The following CCNO variants were observed in gnomAD, a reference collection of about 807,000 sequenced individuals.
CCNO encodes cyclin-O.
Under a neutral mutation model 23.9 loss-of-function variants are expected in CCNO, and 24 were observed. That is an observed-to-expected ratio of 1.00 (90% confidence interval 0.73 to 1.41). The LOEUF (loss-of-function observed/expected upper bound fraction) is 1.41. Ranked by LOEUF, CCNO falls within the 40% of genes most tolerant of loss-of-function variation. CCNO has a pLI of 0.00. For synonymous variants in CCNO, 241 were observed against 225.7 expected (o/e 1.07, Z -0.61); for missense variants, 542 against 476.2 (o/e 1.14, Z -1.29).
rs1363691247 is a variant in CCNO at position 55,231,322 on chromosome 5, C to T, written c.*53G>A. ...CCAGTACTGCACTCTTCTGAGGCTACGGGAGAGGTCCAGCAGCCGGGCCAG... is the reference window on the plus strand; with the variant it reads ...CCAGTACTGCACTCTTCTGAGGCTATGGGAGAGGTCCAGCAGCCGGGCCAG... On this transcript the variant is annotated 3_prime_UTR_variant, in exon 3 of 3. Transcript: ENST00000282572. The T allele has an allele frequency of 3.1e-6, 5 of 1,595,930 alleles. No homozygotes were observed. In the African/African-American group the frequency reaches 4.0e-5, roughly 13 times the overall value.
chr5:55,231,190 G>T lies in CCNO; in HGVS notation c.*185C>A. On this transcript the variant is annotated 3_prime_UTR_variant, in exon 3 of 3. Coordinates refer to ENST00000282572, the MANE Select transcript of CCNO (RefSeq NM_021147.5). ...CAACTGTTTATTGGTGAAAGACTCA[G>T]CTTCCTCATGTGCTCGCTGCAAAAT... 1.5e-6 allele frequency: 1 copy of T among 646,722 alleles called. No homozygotes were observed. The highest frequency in any genetic ancestry group is 2.7e-6 in the Non-Finnish European group (1 of 373,494). 40.1% of individuals were successfully genotyped at this position (646,722 alleles called of 1,614,324 possible).
Position 55,231,634 on chromosome 5 carries a change from A to AC in CCNO, c.793dup (p.Val265GlyfsTer106), listed in dbSNP as rs769899297. 42 of 1,598,918 alleles carry AC rather than the reference A, an allele frequency of 2.6e-5. No homozygotes were observed. Among genetic ancestry groups the AC allele is most frequent in the Non-Finnish European group, 3.3e-5 (39 of 1,173,632 alleles). On this transcript the variant is annotated frameshift_variant, in exon 3 of 3. Transcript: ENST00000282572. LOFTEE classifies it high-confidence loss of function. Reference sequence around the variant, plus strand: ...ATAGTCGGCCAGACTCAGCTCTGCCACCCCCCGCGCCAGGGCTTGCGCTTC... The same window carrying AC: ...ATAGTCGGCCAGACTCAGCTCTGCCACCCCCCCGCGCCAGGGCTTGCGCTTC...
In CCNO at chr5:55,233,536, TG is replaced by T; in HGVS notation, c.-14del. On this transcript the variant is annotated 5_prime_UTR_variant, in exon 1 of 3. Coordinates refer to ENST00000282572, the MANE Select transcript of CCNO (RefSeq NM_021147.5). Reference sequence around the variant, plus strand: ...AGGGGGTCACCATGATGCGGCCGGGTGGCCGCTTTACTACCTTCAACGCCCG... The same window carrying T: ...AGGGGGTCACCATGATGCGGCCGGGTGCCGCTTTACTACCTTCAACGCCCG... The T allele has an allele frequency of 6.5e-7, 1 of 1,536,132 alleles. No individual in the cohort carries two copies.
Position 55,233,246 on chromosome 5 carries a change from A to C in CCNO, c.278T>G (p.Leu93Arg), listed in dbSNP as rs1292414824. 1 of 1,584,582 alleles carries C rather than the reference A, an allele frequency of 6.3e-7. No homozygotes were observed. Among genetic ancestry groups the C allele is most frequent in the African/African-American group, 1.3e-5 (1 of 74,718 alleles). The change falls in exon 1 of 3, where the codon CTA (leucine) becomes CGA (arginine). Residue 93 changes from leucine to arginine, a missense_variant. Physicochemically the swap from Leu to Arg is moderately radical, Grantham distance 102. Transcript: ENST00000282572. ...LPGPAQPVAQ[L>R]DLQTFRDYGQ... ...GTAGTCGCGGAAGGTCTGTAGATCT[A>C]GCTGCGCCACGGGCTGGGCCGGGCC...
At chr5:55,232,272 C>A in intron 2 of CCNO, 89 bp downstream of exon 2, 1 of 1,214,342 alleles carries the variant, frequency 8.2e-7, no homozygotes, top group South Asian at 1.3e-5. Context: ...CTGAATCGTG[C>A]GCGCTGGAAA....
rs1215983815 is a variant in CCNO at position 55,233,576 on chromosome 5, A to C, written c.-53T>G. Reference sequence around the variant, plus strand: ...CTTCAACGCCCGGGCTGCGGCGGGCAGCAAACGCGCACTCGAAAGTGCGAA... The same window carrying C: ...CTTCAACGCCCGGGCTGCGGCGGGCCGCAAACGCGCACTCGAAAGTGCGAA... On this transcript the variant is annotated 5_prime_UTR_variant, in exon 1 of 3. Coordinates refer to ENST00000282572, the MANE Select transcript of CCNO (RefSeq NM_021147.5). 1 of 1,458,402 alleles carries C rather than the reference A, an allele frequency of 6.9e-7. No homozygotes were observed. The highest frequency in any genetic ancestry group is 2.6e-5 in the Admixed American group (1 of 38,624). The allele number at this position is 1,458,402 out of a possible 1,614,324, so 90.3% of individuals were successfully genotyped here.
chr5:55,233,306 C>T lies in CCNO; in HGVS notation c.218G>A (p.Ser73Asn), dbSNP rs745372710. The stretch of plus-strand genomic sequence containing the variant: ...GCTACCACCCCGCGCCGCAGAGGGG[C>T]TCTCTGCGCCGTCTGAGCCGGAGCT... ...SPSSGSDGAE[S>N]PSAARGGSPL... Residue 73 changes from serine to asparagine, a missense_variant, in exon 1 of 3, where the codon AGC (serine) becomes AAC (asparagine). Coordinates refer to ENST00000282572, the MANE Select transcript of CCNO (RefSeq NM_021147.5). 21 of 1,595,120 alleles carry T rather than the reference C, an allele frequency of 1.3e-5. No individual in the cohort carries two copies. The highest frequency in any genetic ancestry group is 1.8e-5 in the Non-Finnish European group (21 of 1,172,624).
Position 55,231,639 on chromosome 5 carries a change from C to G in CCNO, c.789G>C (p.Arg263=), listed in dbSNP as rs1484897953. 1 of 1,597,868 alleles carries G rather than the reference C, an allele frequency of 6.3e-7. No homozygotes were observed. Among genetic ancestry groups the G allele is most frequent in the South Asian group, 1.1e-5 (1 of 89,452 alleles). Residue 263 remains arginine (R), a synonymous_variant, in exon 3 of 3, where the codon CGG becomes CGC. Coordinates refer to ENST00000282572, the MANE Select transcript of CCNO (RefSeq NM_021147.5). ...SEALEAQALA[R]GVAELSLADY... Reference sequence around the variant, plus strand: ...CGGCCAGACTCAGCTCTGCCACCCCCCGCGCCAGGGCTTGCGCTTCCAGAG... The same window carrying G: ...CGGCCAGACTCAGCTCTGCCACCCCGCGCGCCAGGGCTTGCGCTTCCAGAG...
Position 55,233,383 on chromosome 5 carries a change from G to C in CCNO, c.141C>G (p.Asn47Lys), listed in dbSNP as rs1580412370. The C allele has an allele frequency of 1.3e-5, 21 of 1,610,862 alleles. No homozygotes were observed. The highest frequency in any genetic ancestry group is 1.8e-5 in the Non-Finnish European group (21 of 1,179,260). ...LRRKQPLHPLNPCPLPGDSGI... is the reference protein window; with the variant it reads ...LRRKQPLHPLKPCPLPGDSGI... ...CGGAGTCTCCCGGGAGCGGGCACGGGTTCAGGGGATGCAGCGGCTGCTTCC... is the reference window on the plus strand; with the variant it reads ...CGGAGTCTCCCGGGAGCGGGCACGGCTTCAGGGGATGCAGCGGCTGCTTCC... Residue 47 changes from asparagine (N) to lysine (K), a missense_variant, in exon 1 of 3, where the codon AAC becomes AAG. Physicochemically the swap from Asn to Lys is moderately conservative, Grantham distance 94. Coordinates refer to ENST00000282572, the MANE Select transcript of CCNO (RefSeq NM_021147.5).
Position 55,233,341 on chromosome 5 carries a change from G to T in CCNO, c.183C>A (p.Phe61Leu). 1 of 1,607,460 alleles carries T rather than the reference G, an allele frequency of 6.2e-7. No homozygotes were observed. Among genetic ancestry groups the T allele is most frequent in the Non-Finnish European group, 8.5e-7 (1 of 1,178,048 alleles). ...LPGDSGICDL[F>L]ESPSSGSDGA... is the part of the protein sequence containing the mutation. Reference sequence around the variant, plus strand: ...CGTCTGAGCCGGAGCTGGGGGACTCGAACAGGTCGCAAATGCCGGAGTCTC... The same window carrying T: ...CGTCTGAGCCGGAGCTGGGGGACTCTAACAGGTCGCAAATGCCGGAGTCTC... The change falls in exon 1 of 3, where the codon TTC becomes TTA. Residue 61 changes from phenylalanine (F) to leucine (L), a missense_variant. By Grantham distance (22) the Phe-to-Leu change is conservative. Coordinates refer to ENST00000282572, the MANE Select transcript of CCNO (RefSeq NM_021147.5).
chr5:55,232,547 C>T lies in CCNO; in HGVS notation c.382-1G>A. The T allele has an allele frequency of 6.2e-7, 1 of 1,613,372 alleles. No individual in the cohort carries two copies. The highest frequency in any genetic ancestry group is 8.5e-7 in the Non-Finnish European group (1 of 1,179,970). The stretch of plus-strand genomic sequence containing the variant: ...GCTTACAGCGGGATTCCGCCGTCAC[C>T]TGCCGGGAAGGAGGGGGGAGGCGGG... On this transcript the variant is annotated splice_acceptor_variant, in intron 1 of 2. Transcript: ENST00000282572. LOFTEE classifies it high-confidence loss of function.
chr5:55,232,716 G>A, intron 1 of CCNO, 170 bp from the exon 2 acceptor site: 1 of 661,100 alleles, frequency 1.5e-6, no homozygotes, highest in South Asian at 1.9e-5. Flanking sequence ...TGCTGAGCCG[G>A]AACACCGGGA....
Position 55,231,669 on chromosome 5 carries a change from G to A in CCNO, c.759C>T (p.Ser253=). The change falls in exon 3 of 3, where the codon TCC becomes TCT. Residue 253 remains serine (S), a synonymous_variant. Transcript: ENST00000282572. ...ARVEAGQAEA[S]EALEAQALAR... Reference sequence around the variant, plus strand: ...CCAGGGCTTGCGCTTCCAGAGCTTCGGAGGCCTCAGCCTGCCCCGCCTCCA... The same window carrying A: ...CCAGGGCTTGCGCTTCCAGAGCTTCAGAGGCCTCAGCCTGCCCCGCCTCCA... 1 of 1,562,712 alleles carries A rather than the reference G, an allele frequency of 6.4e-7. No homozygotes were observed. Among genetic ancestry groups the A allele is most frequent in the South Asian group, 1.2e-5 (1 of 85,840 alleles).
chr5:55,232,093 A>G (rs1745601189), intron 2 of CCNO, among the ~76,000 whole-genome samples: 1 of 152,122 alleles, frequency 6.6e-6, no homozygotes, highest in African/African-American at 2.4e-5. Flanking sequence ...AGGCTAGACT[A>G]GAGGTGCCAA....
At chr5:55,232,689 G>A in intron 1 of CCNO, 143 bp from the exon 2 acceptor site, 1 of 791,198 alleles carries the variant, frequency 1.3e-6, no homozygotes, top group Non-Finnish European at 2.0e-6. Context: ...AATGGAAACT[G>A]GGAAACGCGT....
rs748558151 is a variant in CCNO at position 55,231,415 on chromosome 5, T to C, written c.1013A>G (p.Gln338Arg). The C allele has an allele frequency of 3.7e-6, 6 of 1,614,130 alleles. No homozygotes were observed. The highest frequency in any genetic ancestry group is 2.2e-5 in the East Asian group (1 of 44,884). The change falls in exon 3 of 3, where the codon CAG (glutamine) becomes CGG (arginine). Residue 338 changes from glutamine to arginine, a missense_variant. Physicochemically the swap from Gln to Arg is conservative, Grantham distance 43. Transcript: ENST00000282572. ...GGGCAGGCTGCACTTCTCGCAGATC[T>C]GAACGGGCAGCATGTGAGTCAAGGA... is the stretch of plus-strand genomic sequence containing the variant. ...STSLTHMLPV[Q>R]ICEKCSLPPS...
intron 1 of CCNO, chr5:55,232,835 C>T (rs994726251): frequency 5.1e-6 from 3 of 589,956 alleles, no homozygotes; most frequent in Non-Finnish European, 9.0e-6. Flanking sequence ...GAAAGAAGCT[C>T]AGGGGTGTTA....
chr5:55,232,987 C>T, intron 1 of CCNO, 156 bp downstream of exon 1: 2 of 742,182 alleles, frequency 2.7e-6, no homozygotes, highest in Non-Finnish European at 2.1e-6. Context: ...AAAATGAGGC[C>T]GGTGACGCCC....
chr5:55,233,300 G>C lies in CCNO; in HGVS notation c.224C>G (p.Ser75Cys), dbSNP rs1240616819. Residue 75 changes from serine (S) to cysteine (C), a missense_variant, in exon 1 of 3, where the codon TCT becomes TGT. By Grantham distance (112) the Ser-to-Cys change is moderately radical. Coordinates refer to ENST00000282572, the MANE Select transcript of CCNO (RefSeq NM_021147.5). ...CAGGGGGCTACCACCCCGCGCCGCAGAGGGGCTCTCTGCGCCGTCTGAGCC... is the reference window on the plus strand; with the variant it reads ...CAGGGGGCTACCACCCCGCGCCGCACAGGGGCTCTCTGCGCCGTCTGAGCC... ...SSGSDGAESP[S>C]AARGGSPLPG... 1.3e-6 allele frequency: 2 copies of C among 1,593,916 alleles called. No individual in the cohort carries two copies. Among genetic ancestry groups the C allele is most frequent in the East Asian group, 2.3e-5 (1 of 44,202 alleles).
Sources: gnomAD v4.1 joint callset for allele counts (sites outside exome capture counted in the v4.1 genomes callset) on GRCh38, gnomAD v4.1.1 for gene constraint, MANE v1.5 for transcripts, NCBI Gene and HGNC (gene_info 2026-07-23, HGNC 2026-07-21) for gene names.